NEURL1: variants seen among roughly 807,000 people sequenced by gnomAD.
NEURL1 encodes E3 ubiquitin-protein ligase NEURL1.
NEURL1 carries 26 observed loss-of-function variants against 41.2 expected under a neutral mutation model. That is an observed-to-expected ratio of 0.63 (90% CI 0.46 to 0.87). The LOEUF (loss-of-function observed/expected upper bound fraction) is 0.87. Among genes scored for constraint, NEURL1 ranks in the 40% least tolerant of loss-of-function variants. The pLI is 0.00. For missense variants in NEURL1, 761 were observed against 871.1 expected (o/e 0.87, Z 1.59); for synonymous variants, 400 against 402.3 (o/e 0.99, Z 0.07).
At chr10:103,586,079 G>A (rs1463687516) in intron 4 of NEURL1, among the ~76,000 whole-genome samples, 1 of 151,796 alleles carries the variant, frequency 6.6e-6, no homozygotes, top group African/African-American at 2.4e-5. Context: ...CCTTTTCTCG[G>A]GGGCACAGGG....
intron 1 of NEURL1, chr10:103,555,211 AGGGGGCGCGT>A (rs1201186565): frequency 4.7e-4 from 278 of 589,188 alleles, no homozygotes; most frequent in African/African-American, 4.0e-3. Flanking sequence ...CGTGTGCCGG[AGGGGGCGCGT>A]GGGGGCGCGT....
At chr10:103,506,236 G>A (rs2033943367) in intron 1 of NEURL1, among the ~76,000 whole-genome samples, 1 of 152,204 alleles carries the variant, frequency 6.6e-6, no homozygotes, top group Non-Finnish European at 1.5e-5. Context: ...CTGCTGAGAG[G>A]CTGATGTTCT....
intron 1 of NEURL1, among the ~76,000 whole-genome samples, chr10:103,551,127 G>A (rs953665235): frequency 2.6e-5 from 4 of 151,934 alleles, no homozygotes; most frequent in African/African-American, 7.3e-5. Context: ...CTGTTACCCC[G>A]TCCATGCCCG....
At chr10:103,520,872 A>G (rs2034333299) in intron 1 of NEURL1, among the ~76,000 whole-genome samples, 1 of 152,188 alleles carries the variant, frequency 6.6e-6, no homozygotes, top group Admixed American at 6.5e-5. Flanking sequence ...TTTGTCTTAT[A>G]GAATGATTGG....
At chr10:103,568,391 C>A (rs538748510) in intron 1 of NEURL1, among the ~76,000 whole-genome samples, 2 of 152,070 alleles carry the variant, frequency 1.3e-5, no homozygotes, top group Admixed American at 1.3e-4. Context: ...GGCCCCAGGA[C>A]GTCAAGCAGG....
chr10:103,568,762 C>T (rs1238162874), intron 1 of NEURL1, among the ~76,000 whole-genome samples: 2 of 152,120 alleles, frequency 1.3e-5, no homozygotes, highest in Non-Finnish European at 2.9e-5. Flanking sequence ...TCTCCCCACA[C>T]CATCGCAGGC....
intron 1 of NEURL1, among the ~76,000 whole-genome samples, chr10:103,537,621 T>C (rs1336141835): frequency 1.3e-5 from 2 of 152,176 alleles, no homozygotes; most frequent in African/African-American, 2.4e-5. Flanking sequence ...CTTGAACTCC[T>C]GAGTTCAAGC....
At position 103,585,856 on chromosome 10, in the gene NEURL1, TC is replaced by T. The variant is rs1360619732; in HGVS notation, c.1339+636del. Among the ~76,000 whole-genome samples, 7 of 148,572 alleles carry T rather than the reference TC, an allele frequency of 4.7e-5. No homozygotes were observed. The South Asian group carries it at 8.6e-4, about 18-fold the overall frequency. Reference sequence around the variant, plus strand: ...TCAAAAAAAAAAAAAAAAAAAGGTTTCCCCCAGCAGTTAACTTTTTGAGTCT... The same window carrying T: ...TCAAAAAAAAAAAAAAAAAAAGGTTTCCCCAGCAGTTAACTTTTTGAGTCT... On this transcript the variant is annotated intron_variant, in intron 4 of 5. Coordinates refer to ENST00000369780, the MANE Select transcript of NEURL1 (RefSeq NM_004210.5).
At chr10:103,516,690 G>T (rs1216298177) in intron 1 of NEURL1, among the ~76,000 whole-genome samples, 1 of 152,178 alleles carries the variant, frequency 6.6e-6, no homozygotes, top group East Asian at 1.9e-4. Flanking sequence ...TTAGAGGTAT[G>T]ATATGGCACA....
Position 103,558,747 on chromosome 10 carries a change from A to G in NEURL1, c.86-12125A>G, listed in dbSNP as rs1032607917. Among the ~76,000 whole-genome samples, 1 of 152,184 alleles carries G rather than the reference A, an allele frequency of 6.6e-6. No individual in the cohort carries two copies. Among genetic ancestry groups the G allele is most frequent in the Non-Finnish European group, 1.5e-5 (1 of 68,026 alleles). On this transcript the variant is annotated intron_variant, in intron 1 of 5. Transcript: ENST00000369780. The surrounding 1 kb of genome is among the most constrained non-coding windows in gnomAD (Gnocchi z 4.2). The stretch of plus-strand genomic sequence containing the variant: ...AGGGTAGTGCGAAGAGGGAGGCAGC[A>G]GTGACACTGGGAGGTCCCCCTCCTC...
intron 1 of NEURL1, among the ~76,000 whole-genome samples, chr10:103,515,685 G>A (rs970354817): frequency 6.6e-6 from 1 of 152,230 alleles, no homozygotes. Context: ...AGCCATGAAA[G>A]TGAAACCAGA....
intron 1 of NEURL1, among the ~76,000 whole-genome samples, chr10:103,551,869 T>C (rs78968357): frequency 3.2e-4 from 48 of 152,292 alleles, no homozygotes; most frequent in Non-Finnish European, 6.0e-4. Context: ...ACCTCCCAGT[T>C]CTCTGTTCTG....
intron 1 of NEURL1, among the ~76,000 whole-genome samples, chr10:103,505,693 C>A (rs1017197690): frequency 2.6e-5 from 4 of 151,616 alleles, no homozygotes; most frequent in African/African-American, 9.7e-5. Context: ...TTAAAAAGCA[C>A]CCTAGACGGG....
intron 1 of NEURL1, among the ~76,000 whole-genome samples, chr10:103,567,315 G>T (rs2035447377): frequency 6.6e-6 from 1 of 151,524 alleles, no homozygotes; most frequent in Admixed American, 6.6e-5. Flanking sequence ...TCGTTTATAG[G>T]TTATGAGTAT....
In NEURL1 at chr10:103,590,239, C is replaced by T. The variant is rs753624927; in HGVS notation, c.1592C>T (p.Thr531Met). 6 of 1,614,146 alleles carry T rather than the reference C, an allele frequency of 3.7e-6. No homozygotes were observed. The South Asian group carries it at 4.4e-5, about 12-fold the overall frequency. The change falls in exon 6 of 6, where the codon ACG (threonine) becomes ATG (methionine). Residue 531 changes from threonine to methionine, a missense_variant. Physicochemically the swap from Thr to Met is moderately conservative, Grantham distance 81. Coordinates refer to ENST00000369780, the MANE Select transcript of NEURL1 (RefSeq NM_004210.5). The stretch of plus-strand genomic sequence containing the variant: ...ATTTGCTATGAACACGCGGTGGACA[C>T]GGTCATCTACACATGTGGCCACATG... The part of the protein sequence containing the change: ...CTICYEHAVD[T>M]VIYTCGHMCL...
chr10:103,550,520 A>T (rs959452714), intron 1 of NEURL1: 1 of 152,260 alleles, frequency 6.6e-6, no homozygotes, highest in African/African-American at 2.4e-5. Flanking sequence ...AATTTCCAGG[A>T]TGACATCTCC....
intron 3 of NEURL1, among the ~76,000 whole-genome samples, chr10:103,573,424 T>C (rs895058165): frequency 6.6e-6 from 1 of 152,158 alleles, no homozygotes; most frequent in African/African-American, 2.4e-5. Context: ...TGGGGCTAAA[T>C]GCTTTCTCGG....
chr10:103,584,675 C>T lies in NEURL1; in HGVS notation c.789C>T (p.Asp263=). 1.4e-6 allele frequency: 2 copies of T among 1,427,432 alleles called. No individual in the cohort carries two copies. The highest frequency in any genetic ancestry group is 1.5e-5 in the African/African-American group (1 of 66,938). 88.4% of individuals were successfully genotyped at this position (1,427,432 alleles called of 1,614,324 possible). Reference sequence around the variant, plus strand: ...TCAACGTGCCGGGCGCGGACGGCGACGAGGCCGCGCCGGCCGCCGGCTGCC... The same window carrying T: ...TCAACGTGCCGGGCGCGGACGGCGATGAGGCCGCGCCGGCCGCCGGCTGCC... The part of the protein sequence containing the change: ...CDLNVPGADG[D]EAAPAAGCPI... The change falls in exon 4 of 6, where the codon GAC becomes GAT. Residue 263 remains aspartate, a synonymous_variant. Coordinates refer to ENST00000369780, the MANE Select transcript of NEURL1 (RefSeq NM_004210.5).
chr10:103,504,116 C>G (rs1261172974), intron 1 of NEURL1, among the ~76,000 whole-genome samples: 1 of 151,990 alleles, frequency 6.6e-6, no homozygotes, highest in African/African-American at 2.4e-5. Flanking sequence ...GCCTCAGCCT[C>G]CTGAGTAGCT....
Sources: gnomAD v4.1 joint callset for allele counts (sites outside exome capture counted in the v4.1 genomes callset) on GRCh38, gnomAD v4.1.1 for gene constraint, Gnocchi (gnomAD v3.1) non-coding constraint, MANE v1.5 for transcripts, NCBI Gene and HGNC (gene_info 2026-07-23, HGNC 2026-07-21) for gene names.